Variants in SSBP2 observed in about 807,000 individuals in gnomAD.
SSBP2 encodes single-stranded DNA-binding protein 2.
A neutral mutation model predicts 61.8 loss-of-function variants in SSBP2; 17 were observed. The ratio of observed to expected loss-of-function variants is 0.28; its 90% CI spans 0.19 to 0.41. SSBP2 has a LOEUF of 0.41. SSBP2 is among the 10% of genes least tolerant of loss of function. The pLI is 1.00. For synonymous variants in SSBP2, 139 were observed against 141.3 expected (o/e 0.98, Z 0.12); for missense variants, 310 against 458.7 (o/e 0.68, Z 2.96).
At chr5:81,562,600 CAT>C (rs936237296) in intron 4 of SSBP2, among the ~76,000 whole-genome samples, 34 of 152,256 alleles carry the variant, frequency 2.2e-4, no homozygotes, top group African/African-American at 8.2e-4. Context: ...CTAAGGAACA[CAT>C]GAGTAGAACA....
chr5:81,498,945 A>C (rs1767494841), intron 5 of SSBP2, among the ~76,000 whole-genome samples: 1 of 152,122 alleles, frequency 6.6e-6, no homozygotes, highest in South Asian at 2.1e-4. Flanking sequence ...ATGATGCATA[A>C]ATTATACATC....
intron 1 of SSBP2, among the ~76,000 whole-genome samples, chr5:81,676,379 C>G (rs568233525): frequency 2.9e-4 from 44 of 152,252 alleles, no homozygotes; most frequent in Non-Finnish European, 5.1e-4. Context: ...GCTTCCCCAT[C>G]ATCGGTAGAC....
At chr5:81,557,823 T>A (rs1048172553) in intron 4 of SSBP2, among the ~76,000 whole-genome samples, 4 of 152,044 alleles carry the variant, frequency 2.6e-5, no homozygotes, top group Admixed American at 2.6e-4. Flanking sequence ...TTGGTTTTGA[T>A]TCGTTTTTCT....
intron 3 of SSBP2, among the ~76,000 whole-genome samples, chr5:81,626,358 T>A (rs1306530303): frequency 6.6e-6 from 1 of 152,212 alleles, no homozygotes; most frequent in African/African-American, 2.4e-5. Context: ...TCCTTCTAAT[T>A]ATTATCCCCA....
chr5:81,563,594 C>G (rs1218873750), intron 4 of SSBP2, among the ~76,000 whole-genome samples: 1 of 152,002 alleles, frequency 6.6e-6, no homozygotes, highest in Non-Finnish European at 1.5e-5. Context: ...GAATAGAAAG[C>G]CCAGAAATAA....
chr5:81,443,011 T>C (rs1000793039), intron 12 of SSBP2: 46 of 204,218 alleles, frequency 2.3e-4, no homozygotes, highest in African/African-American at 1.0e-3. Context: ...AAAGATACTT[T>C]TTTACTTCAA....
intron 4 of SSBP2, among the ~76,000 whole-genome samples, chr5:81,575,264 T>G (rs1774124586): frequency 6.6e-6 from 1 of 152,000 alleles, no homozygotes. Context: ...CGAGACTTCG[T>G]CTCAAAAAAA....
intron 1 of SSBP2, among the ~76,000 whole-genome samples, chr5:81,746,970 T>C (rs1365564054): frequency 6.9e-6 from 1 of 145,362 alleles, no homozygotes; most frequent in Non-Finnish European, 1.5e-5. Flanking sequence ...CATATAGGAA[T>C]TGTTCACAAC....
intron 5 of SSBP2, among the ~76,000 whole-genome samples, chr5:81,511,101 G>A (rs1323178360): frequency 6.6e-6 from 1 of 151,812 alleles, no homozygotes; most frequent in East Asian, 1.9e-4. Context: ...CCTCTTCCTA[G>A]AAATTTCTTC....
At chr5:81,692,481 AT>A (rs891914495) in intron 1 of SSBP2, among the ~76,000 whole-genome samples, 1 of 152,140 alleles carries the variant, frequency 6.6e-6, no homozygotes, top group Admixed American at 6.5e-5. Flanking sequence ...TACCAATGAC[AT>A]TTTTTCACAG....
intron 4 of SSBP2, among the ~76,000 whole-genome samples, chr5:81,588,426 T>C (rs576011336): frequency 3.3e-5 from 5 of 152,214 alleles, no homozygotes. Context: ...TGAACCTAGG[T>C]CTTTATGATT....
chr5:81,569,744 TA>T (rs199560947), intron 4 of SSBP2, among the ~76,000 whole-genome samples: 2 of 152,088 alleles, frequency 1.3e-5, no homozygotes, highest in African/African-American at 2.4e-5. Flanking sequence ...TGGCAGGTTT[TA>T]AAAAAAATCT....
chr5:81,736,154 A>ACACACACACACACACACACC (rs1756600186), intron 1 of SSBP2, among the ~76,000 whole-genome samples: 1 of 70,176 alleles, frequency 1.4e-5, no homozygotes, highest in African/African-American at 5.0e-5. Flanking sequence ...ACACACACAC[A>ACACACACACACACACACACC]CACACACACA....
chr5:81,680,143 T>C (rs1265681498), intron 1 of SSBP2, among the ~76,000 whole-genome samples: 1 of 151,508 alleles, frequency 6.6e-6, no homozygotes, highest in African/African-American at 2.4e-5. Context: ...CACCATTAGC[T>C]CTCATGGTTT....
Position 81,726,986 on chromosome 5 carries a change from C to G in SSBP2, c.62+23995G>C, listed in dbSNP as rs146312999. Among the ~76,000 whole-genome samples, 258 of 152,276 alleles carry G rather than the reference C, an allele frequency of 1.7e-3. 1 individual carries two copies. Among genetic ancestry groups the G allele is most frequent in the African/African-American group, 5.9e-3 (246 of 41,546 alleles). On this transcript the variant is annotated intron_variant, in intron 1 of 16. Transcript: ENST00000320672. ...CAATTAGCACCTTATTACAGTAACACCCCATTTATCCAGCGTCATTGGGAA... is the reference window on the plus strand; with the variant it reads ...CAATTAGCACCTTATTACAGTAACAGCCCATTTATCCAGCGTCATTGGGAA...
intron 10 of SSBP2, among the ~76,000 whole-genome samples, chr5:81,456,591 GAAAAAGAAAAA>G (rs1273359689): frequency 6.9e-6 from 1 of 144,678 alleles, no homozygotes. Flanking sequence ...AATCCTTCGT[GAAAAAGAAAAA>G]AAAAAGAAAA....
At chr5:81,439,475 G>A (rs1380474046) in intron 14 of SSBP2, among the ~76,000 whole-genome samples, 1 of 151,250 alleles carries the variant, frequency 6.6e-6, no homozygotes, top group Non-Finnish European at 1.5e-5. Context: ...CATATGGTAA[G>A]AAGGCATCAC....
In SSBP2 at chr5:81,489,299, G is replaced by A. The variant is rs1206465409; in HGVS notation, c.383C>T (p.Ser128Leu). ...CCTTGGACCTCCAGGGTACCGAGGT[G>A]ACATAAAAGGCTATTGAAGTAAAAC... is the stretch of plus-strand genomic sequence containing the variant. Residue 128 changes from serine (S) to leucine (L), a missense_variant, in exon 6 of 17, where the codon TCA becomes TTA. Physicochemically the swap from Ser to Leu is moderately radical, Grantham distance 145 (BLOSUM62 -2). This residue lies in a region of SSBP2 where 209 missense variants were observed against 286.4 expected (regional missense o/e 0.73). Transcript: ENST00000320672. 3 of 1,605,716 alleles carry A rather than the reference G, an allele frequency of 1.9e-6. No homozygotes were observed. Among genetic ancestry groups the A allele is most frequent in the Non-Finnish European group, 1.7e-6 (2 of 1,177,476 alleles).
intron 1 of SSBP2, among the ~76,000 whole-genome samples, chr5:81,704,667 G>A (rs1754235128): frequency 6.6e-6 from 1 of 151,670 alleles, no homozygotes; most frequent in African/African-American, 2.4e-5. Flanking sequence ...GTAGTGGCGC[G>A]CACCTTTAGT....
Sources: allele counts gnomAD v4.1 joint callset (sites outside exome capture counted in the v4.1 genomes callset), GRCh38; gene constraint gnomAD v4.1.1; regional missense constraint gnomAD v4.1.1; transcripts MANE v1.5; gene names NCBI Gene and HGNC (gene_info 2026-07-23, HGNC 2026-07-21).